The following AGBL3 variants were observed in gnomAD, a reference collection of about 807,000 sequenced individuals.
The protein encoded by AGBL3 is cytosolic carboxypeptidase 3.
AGBL3 carries 68 observed loss-of-function variants against 94.5 expected under a neutral mutation model. The ratio of observed to expected loss-of-function variants is 0.72; its 90% confidence interval spans 0.59 to 0.88. AGBL3 has a LOEUF of 0.88. Ranked by LOEUF, AGBL3 falls within the 40% of genes least tolerant of loss-of-function variation. AGBL3 has a pLI of 0.00. For missense variants in AGBL3, 934 were observed against 1,103.8 expected, an observed-to-expected ratio of 0.85 and a Z score of 2.18; for synonymous variants, 354 against 370.7, an observed-to-expected ratio of 0.95 and a Z score of 0.52.
intron 15 of AGBL3, among the ~76,000 whole-genome samples, chr7:135,087,014 T>G (rs1821387143): frequency 6.6e-6 from 1 of 151,980 alleles, no homozygotes; most frequent in Non-Finnish European, 1.5e-5. Flanking sequence ...TATTACAGAT[T>G]CAATCATTAC....
chr7:135,070,212 C>G (rs1300960881), intron 12 of AGBL3, among the ~76,000 whole-genome samples: 1 of 152,132 alleles, frequency 6.6e-6, no homozygotes, highest in Non-Finnish European at 1.5e-5. Flanking sequence ...ATAACAGGCT[C>G]TGAAATGGAG....
At chr7:135,098,053 C>A (rs1823182347) in intron 15 of AGBL3, among the ~76,000 whole-genome samples, 1 of 152,098 alleles carries the variant, frequency 6.6e-6, no homozygotes, top group South Asian at 2.1e-4. Context: ...GGAGACCCTA[C>A]ATGATGAATT....
chr7:135,091,140 G>C lies in AGBL3; in HGVS notation c.2110+9350G>C, dbSNP rs569815770. Among the ~76,000 whole-genome samples the C allele has an allele frequency of 7.7e-4, 117 of 152,250 alleles. 1 individual carries two copies. The highest frequency in any genetic ancestry group is 2.6e-3 in the African/African-American group (108 of 41,532). On this transcript the variant is annotated intron_variant, in intron 15 of 16. Coordinates refer to ENST00000436302, the MANE Select transcript of AGBL3 (RefSeq NM_178563.4). Reference sequence around the variant, plus strand: ...AGGAAGAAGTTCCTCCTGATTCCCAGCTGACCGTGGTTGGAGGATGGGGTG... The same window carrying C: ...AGGAAGAAGTTCCTCCTGATTCCCACCTGACCGTGGTTGGAGGATGGGGTG...
At chr7:135,094,034 T>C (rs971447829) in intron 15 of AGBL3, 2 of 186,382 alleles carry the variant, frequency 1.1e-5, no homozygotes, top group African/African-American at 4.8e-5. Flanking sequence ...CTGGGACAAC[T>C]GGATATCCAC....
At chr7:135,074,885 T>C (rs1481629349) in intron 12 of AGBL3, among the ~76,000 whole-genome samples, 1 of 152,246 alleles carries the variant, frequency 6.6e-6, no homozygotes, top group African/African-American at 2.4e-5. Flanking sequence ...ATATTGATTA[T>C]GTGCCGTATT....
At chr7:135,134,702 A>G in intron 16 of AGBL3, 139 bp from the exon 17 acceptor site, 1 of 796,346 alleles carries the variant, frequency 1.3e-6, no homozygotes, top group Non-Finnish European at 1.9e-6. Flanking sequence ...AGACTTCTAA[A>G]TGATGGTAAA....
At chr7:135,129,231 C>A in intron 16 of AGBL3, 5 of 1,465,812 alleles carry the variant, frequency 3.4e-6, no homozygotes, top group Non-Finnish European at 4.8e-6. Context: ...GATGCAGGAG[C>A]CTGGCTACAT....
At chr7:135,015,862 AAAAAG>A (rs199922436) in intron 4 of AGBL3, among the ~76,000 whole-genome samples, 2,025 of 99,226 alleles carry the variant, frequency 0.02, 75 homozygotes, top group East Asian at 0.064. Flanking sequence ...AAAATACAAA[AAAAAG>A]AAAAAAAAAA....
intron 4 of AGBL3, among the ~76,000 whole-genome samples, chr7:134,998,712 GAC>G (rs1811322301): frequency 6.6e-6 from 1 of 152,188 alleles, no homozygotes; most frequent in Non-Finnish European, 1.5e-5. Flanking sequence ...GTGGGGTGAA[GAC>G]ACAGTCCACC....
intron 1 of AGBL3, among the ~76,000 whole-genome samples, 172 bp from the exon 2 acceptor site, chr7:134,987,703 T>C (rs1809651704): frequency 6.6e-6 from 1 of 152,236 alleles, no homozygotes. Context: ...CGTATAGTCA[T>C]GGAAAATTCC....
intron 16 of AGBL3, chr7:135,128,613 C>T (rs1828287829): frequency 2.5e-6 from 2 of 785,852 alleles, no homozygotes; most frequent in Admixed American, 1.8e-5. Flanking sequence ...ATGGGAAGAA[C>T]ACCCTGGCAG....
At chr7:135,088,950 G>A (rs1339491232) in intron 15 of AGBL3, among the ~76,000 whole-genome samples, 1 of 152,094 alleles carries the variant, frequency 6.6e-6, no homozygotes, top group African/African-American at 2.4e-5. Flanking sequence ...ATTATTTCAA[G>A]AAATTGGTTT....
intron 4 of AGBL3, among the ~76,000 whole-genome samples, chr7:134,996,157 C>G (rs1188609040): frequency 1.3e-5 from 2 of 152,200 alleles, no homozygotes; most frequent in African/African-American, 4.8e-5. Context: ...GAGAAAGATA[C>G]TGTGGCAAGC....
At chr7:135,059,851 G>C (rs1162398798) in intron 12 of AGBL3, among the ~76,000 whole-genome samples, 2 of 152,308 alleles carry the variant, frequency 1.3e-5, no homozygotes, top group East Asian at 3.9e-4. Context: ...AAGCCAAGTA[G>C]ATACTAGGTA....
Position 135,135,595 on chromosome 7 carries a change from T to G in AGBL3, c.*334T>G, listed in dbSNP as rs1228370311. The G allele has an allele frequency of 5.7e-6, 1 of 176,296 alleles. No individual in the cohort carries two copies. The highest frequency in any genetic ancestry group is 1.2e-5 in the Non-Finnish European group (1 of 83,508). The allele number at this position is 176,296 out of a possible 1,614,324, so 10.9% of individuals were successfully genotyped here. Reference sequence around the variant, plus strand: ...AAAACTTAAGAACTCAAAGTAGGAATGACATATAATATGTCACTGATTTTA... The same window carrying G: ...AAAACTTAAGAACTCAAAGTAGGAAGGACATATAATATGTCACTGATTTTA... On this transcript the variant is annotated 3_prime_UTR_variant, in exon 17 of 17. Transcript: ENST00000436302.
At chr7:134,996,551 G>T (rs1263302154) in intron 4 of AGBL3, among the ~76,000 whole-genome samples, 1 of 152,106 alleles carries the variant, frequency 6.6e-6, no homozygotes. Flanking sequence ...GTCTTACACA[G>T]TCATCTATCT....
intron 15 of AGBL3, among the ~76,000 whole-genome samples, chr7:135,111,215 AGCAGT>A (rs761571839): frequency 1.9e-4 from 29 of 152,208 alleles, no homozygotes; most frequent in Non-Finnish European, 3.4e-4. Context: ...TAATTCATTC[AGCAGT>A]GCTCTAGATC....
chr7:135,017,832 T>C (rs774642626), intron 5 of AGBL3, among the ~76,000 whole-genome samples: 1 of 152,186 alleles, frequency 6.6e-6, no homozygotes, highest in Non-Finnish European at 1.5e-5. Flanking sequence ...AGAAATCATA[T>C]ACTCACAAAC....
chr7:135,018,129 T>C (rs535932951), intron 5 of AGBL3, among the ~76,000 whole-genome samples: 11 of 152,294 alleles, frequency 7.2e-5, no homozygotes, highest in African/African-American at 2.4e-4. Flanking sequence ...CAAGGGATGG[T>C]GAAGCAACAT....
Sources: allele counts gnomAD v4.1 joint callset (sites outside exome capture counted in the v4.1 genomes callset), GRCh38; gene constraint gnomAD v4.1.1; transcripts MANE v1.5; gene names NCBI Gene and HGNC (gene_info 2026-07-23, HGNC 2026-07-21).